The following CCDC171 variants were observed in gnomAD, a reference collection of about 807,000 sequenced individuals.
CCDC171 encodes coiled-coil domain-containing protein 171.
In CCDC171, 177 loss-of-function variants were observed where a neutral mutation model predicts 168.2. The ratio of observed to expected loss-of-function variants is 1.05; its 90% CI spans 0.93 to 1.19. CCDC171 has a LOEUF of 1.19. Ranked by LOEUF, CCDC171 falls within the 50% of genes most tolerant of loss-of-function variation. The pLI is 0.00. For synonymous variants in CCDC171, 687 were observed against 540.8 expected (o/e 1.27, Z -3.75); for missense variants, 1,991 against 1,539.0 (o/e 1.29, Z -4.91).
intron 18 of CCDC171, among the ~76,000 whole-genome samples, chr9:15,749,235 A>G (rs1036176255): frequency 2.0e-5 from 3 of 152,236 alleles, no homozygotes; most frequent in Non-Finnish European, 4.4e-5. Context: ...AGGCCATTAC[A>G]TAATGGTAAA....
At chr9:15,648,836 T>A (rs1039847401) in intron 7 of CCDC171, among the ~76,000 whole-genome samples, 27 of 152,088 alleles carry the variant, frequency 1.8e-4, no homozygotes, top group Non-Finnish European at 2.1e-4. Context: ...GGTAATTTAT[T>A]GATTCAATGC....
At chr9:15,946,687 A>G (rs1828436266) in intron 25 of CCDC171, among the ~76,000 whole-genome samples, 1 of 152,058 alleles carries the variant, frequency 6.6e-6, no homozygotes, top group African/African-American at 2.4e-5. Flanking sequence ...GTTCATATGG[A>G]ACCAAAAGAG....
chr9:15,960,309 C>A (rs928179004), intron 25 of CCDC171, among the ~76,000 whole-genome samples: 1 of 152,098 alleles, frequency 6.6e-6, no homozygotes, highest in Non-Finnish European at 1.5e-5. Context: ...TTGTTTAATT[C>A]ACTTTTGTAT....
At chr9:15,747,301 A>G (rs1184356450) in intron 18 of CCDC171, among the ~76,000 whole-genome samples, 2 of 152,160 alleles carry the variant, frequency 1.3e-5, no homozygotes, top group Non-Finnish European at 2.9e-5. Flanking sequence ...CCCTGGGGGA[A>G]GGGGCAGCTG....
chr9:15,797,603 T>C (rs546551601), intron 21 of CCDC171, among the ~76,000 whole-genome samples: 6 of 152,216 alleles, frequency 3.9e-5, no homozygotes, highest in African/African-American at 1.4e-4. Flanking sequence ...TTTTTTCACA[T>C]ATATTAATAA....
At chr9:15,620,384 C>T (rs2044408878) in intron 6 of CCDC171, among the ~76,000 whole-genome samples, 1 of 151,906 alleles carries the variant, frequency 6.6e-6, no homozygotes, top group South Asian at 2.1e-4. Flanking sequence ...TGGTTCCAGT[C>T]CTTATGGATA....
At chr9:15,555,689 C>A (rs2038731261) in intron 1 of CCDC171, among the ~76,000 whole-genome samples, 1 of 152,070 alleles carries the variant, frequency 6.6e-6, no homozygotes. Flanking sequence ...ATTTTTATTT[C>A]TTTTATTATT....
At chr9:15,750,448 C>A (rs1476193466) in intron 18 of CCDC171, among the ~76,000 whole-genome samples, 1 of 152,140 alleles carries the variant, frequency 6.6e-6, no homozygotes, top group Non-Finnish European at 1.5e-5. Context: ...AAAAGAGAAT[C>A]CTCCCTAACT....
chr9:15,590,223 A>T (rs1374779290), intron 4 of CCDC171, among the ~76,000 whole-genome samples: 1 of 152,132 alleles, frequency 6.6e-6, no homozygotes, highest in African/African-American at 2.4e-5. Context: ...CTTTTAATGT[A>T]TTTCCTTTTG....
intron 3 of CCDC171, among the ~76,000 whole-genome samples, chr9:15,981,756 C>T (rs3008739): frequency 0.42 from 63,078 of 151,934 alleles, 13,244 homozygotes; most frequent in South Asian, 0.52. Flanking sequence ...TTCCCTTTTC[C>T]ACCCCCACCT....
intron 3 of CCDC171, among the ~76,000 whole-genome samples, chr9:16,008,850 G>A (rs1183991005): frequency 6.6e-6 from 1 of 152,092 alleles, no homozygotes; most frequent in Non-Finnish European, 1.5e-5. Context: ...CACTCGCTAT[G>A]CCCATCTATA....
At chr9:15,623,460 C>T in intron 7 of CCDC171, 47 bp downstream of exon 7, 1 of 1,202,896 alleles carries the variant, frequency 8.3e-7, no homozygotes, top group East Asian at 2.5e-5. Context: ...CAAACTTTCA[C>T]ATATGCGCGC....
chr9:16,028,224 A>C (rs1309621267), intron 6 of CCDC171, among the ~76,000 whole-genome samples: 2 of 152,182 alleles, frequency 1.3e-5, no homozygotes, highest in Non-Finnish European at 2.9e-5. Flanking sequence ...CCAATCTGAA[A>C]GCCATGGAGC....
intron 6 of CCDC171, among the ~76,000 whole-genome samples, chr9:16,023,470 C>G (rs572816935): frequency 2.6e-5 from 4 of 152,038 alleles, no homozygotes; most frequent in African/African-American, 9.7e-5. Flanking sequence ...TGAACATTGC[C>G]GCACTGACTT....
chr9:15,983,815 AGAGTGTGTGT>A (rs1394455619), intron 3 of CCDC171, among the ~76,000 whole-genome samples: 127 of 124,584 alleles, frequency 1.0e-3, no homozygotes, highest in African/African-American at 3.5e-3. Context: ...CTAAATAAAG[AGAGTGTGTGT>A]GTGTGTGTGT....
At chr9:15,661,296 A>G (rs7047409) in intron 8 of CCDC171, among the ~76,000 whole-genome samples, 1 of 141,502 alleles carries the variant, frequency 7.1e-6, no homozygotes, top group Non-Finnish European at 1.5e-5. Context: ...AAAAAAAAAA[A>G]AAAAGTAACA....
At chr9:15,623,674 C>T (rs889585725) in intron 7 of CCDC171, among the ~76,000 whole-genome samples, 2 of 152,040 alleles carry the variant, frequency 1.3e-5, no homozygotes, top group African/African-American at 4.8e-5. Flanking sequence ...CACTTTTGAA[C>T]AATTAACTCT....
At chr9:16,096,633 G>A in the CCDC171 span, among the ~76,000 whole-genome samples, 1 of 152,182 alleles carries the variant, frequency 6.6e-6, no homozygotes, top group Non-Finnish European at 1.5e-5. Context: ...AAAGTTTGAG[G>A]TATTTATCCC....
chr9:15,589,083 C>G (rs914874438), intron 4 of CCDC171, among the ~76,000 whole-genome samples: 15 of 151,870 alleles, frequency 9.9e-5, no homozygotes, highest in Admixed American at 3.3e-4. Flanking sequence ...ACATGTGTTA[C>G]TACTAGAATG....
Sources: gnomAD v4.1 joint callset for allele counts (sites outside exome capture counted in the v4.1 genomes callset) on GRCh38, gnomAD v4.1.1 for gene constraint, MANE v1.5 for transcripts, NCBI Gene and HGNC (gene_info 2026-07-23, HGNC 2026-07-21) for gene names.